Variants in COMMD10 observed in about 807,000 individuals in gnomAD.
COMMD10 encodes COMM domain containing 10, also known as COMM domain-containing protein 10.
A neutral mutation model predicts 28.9 loss-of-function variants in COMMD10; 33 were observed. The observed-to-expected ratio is 1.14, with a 90% CI of 0.87 to 1.53. The LOEUF is 1.53. COMMD10 is among the 40% of genes most tolerant of loss of function. COMMD10 has a pLI of 0.00. For synonymous variants in COMMD10, 110 were observed against 81.7 expected, an observed-to-expected ratio of 1.35 and a Z score of -1.87; for missense variants, 310 against 233.4, an observed-to-expected ratio of 1.33 and a Z score of -2.14.
intron 5 of COMMD10, among the ~76,000 whole-genome samples, chr5:116,210,914 C>G (rs935757223): frequency 1.3e-5 from 2 of 151,824 alleles, no homozygotes; most frequent in Admixed American, 1.3e-4. Context: ...ATTATTATTC[C>G]TCTAGAAAAG....
chr5:116,209,948 A>G (rs12332294), intron 5 of COMMD10, among the ~76,000 whole-genome samples: 4,312 of 152,266 alleles, frequency 0.028, 189 homozygotes, highest in African/African-American at 0.094. Flanking sequence ...TATTTGACCC[A>G]TAGTTCTGAA....
At chr5:116,251,472 G>C (rs1355771113) in intron 5 of COMMD10, among the ~76,000 whole-genome samples, 2 of 133,454 alleles carry the variant, frequency 1.5e-5, no homozygotes, top group African/African-American at 5.6e-5. Context: ...TCCCCAGAGT[G>C]TGATGTTCCC....
At chr5:116,119,332 T>A (rs1222137949) in intron 4 of COMMD10, among the ~76,000 whole-genome samples, 1 of 152,172 alleles carries the variant, frequency 6.6e-6, no homozygotes, top group Non-Finnish European at 1.5e-5. Context: ...AATAAGGCAT[T>A]TGCACTTCTT....
chr5:116,183,544 T>TA (rs1748043261), intron 5 of COMMD10, among the ~76,000 whole-genome samples: 1 of 152,096 alleles, frequency 6.6e-6, no homozygotes, highest in Non-Finnish European at 1.5e-5. Flanking sequence ...TTGAAATTAA[T>TA]AAAAATCTTC....
At chr5:116,168,331 A>G (rs946281442) in intron 5 of COMMD10, among the ~76,000 whole-genome samples, 2 of 152,206 alleles carry the variant, frequency 1.3e-5, no homozygotes, top group South Asian at 4.1e-4. Flanking sequence ...ACCCAGATTC[A>G]TAAAGCAAGT....
chr5:116,204,155 C>A (rs7704561), intron 5 of COMMD10, among the ~76,000 whole-genome samples: 48,383 of 151,638 alleles, frequency 0.32, 10,887 homozygotes, highest in African/African-American at 0.64. Context: ...GCCATTACAT[C>A]ATGGTAAAGG....
chr5:116,222,598 A>G (rs1348231888), intron 5 of COMMD10, among the ~76,000 whole-genome samples: 1 of 152,228 alleles, frequency 6.6e-6, no homozygotes, highest in Non-Finnish European at 1.5e-5. Flanking sequence ...ACAGAAAGAT[A>G]ATCTTACAAG....
chr5:116,261,327 T>C (rs1484346320), intron 5 of COMMD10, among the ~76,000 whole-genome samples: 1 of 151,684 alleles, frequency 6.6e-6, no homozygotes, highest in East Asian at 1.9e-4. Flanking sequence ...CGTTGCTATT[T>C]GCTTTTAAGG....
At chr5:116,198,948 T>A (rs1391527178) in intron 5 of COMMD10, among the ~76,000 whole-genome samples, 3 of 152,210 alleles carry the variant, frequency 2.0e-5, no homozygotes, top group Admixed American at 1.3e-4. Context: ...TGCACGTAAG[T>A]CTTCAACTCC....
intron 3 of COMMD10, among the ~76,000 whole-genome samples, chr5:116,091,661 T>C (rs755535335): frequency 1.8e-4 from 28 of 152,178 alleles, no homozygotes; most frequent in Non-Finnish European, 3.5e-4. Flanking sequence ...TTTGGATTTT[T>C]AAAAATCCTT....
rs561997090 is a variant in COMMD10, at chr5:116,232,405, ACAAG to A, written c.511-59107_511-59104del. On this transcript the variant is annotated intron_variant, in intron 5 of 6. Coordinates refer to ENST00000274458, the MANE Select transcript of COMMD10 (RefSeq NM_016144.4). ...AATCATGATTAAAATCGAAAGGTAA[ACAAG>A]CAAGATAGGATAAATTCAATCCATG... 2.5e-4 allele frequency among the ~76,000 whole-genome samples: 38 copies of A among 152,278 alleles called. No individual in the cohort carries two copies. The South Asian group carries it at 7.9e-3, about 32-fold the overall frequency.
At chr5:116,222,274 T>C (rs893104386) in intron 5 of COMMD10, among the ~76,000 whole-genome samples, 3 of 152,224 alleles carry the variant, frequency 2.0e-5, no homozygotes, top group African/African-American at 7.2e-5. Flanking sequence ...TGTATGGACC[T>C]TAACAAAACT....
chr5:116,203,974 G>C (rs911422836), intron 5 of COMMD10, among the ~76,000 whole-genome samples: 2 of 152,172 alleles, frequency 1.3e-5, no homozygotes, highest in African/African-American at 4.8e-5. Flanking sequence ...AGACCCATCA[G>C]TGTGCTGTAT....
intron 4 of COMMD10, among the ~76,000 whole-genome samples, chr5:116,103,890 A>G (rs1385211614): frequency 6.6e-6 from 1 of 152,168 alleles, no homozygotes; most frequent in African/African-American, 2.4e-5. Flanking sequence ...TCCCAGCACC[A>G]TTTATTACAT....
rs929462527 is a variant in COMMD10, at chr5:116,102,095, T to C, written c.399+9395T>C. Among the ~76,000 whole-genome samples, 20 of 152,192 alleles carry C rather than the reference T, an allele frequency of 1.3e-4. 2 individuals are homozygous for C. The highest frequency in any genetic ancestry group is 7.2e-4 in the Admixed American group (11 of 15,278). On this transcript the variant is annotated intron_variant, in intron 4 of 6. Coordinates refer to ENST00000274458, the MANE Select transcript of COMMD10 (RefSeq NM_016144.4). ...TCCATTTGTCTATTTTTATTTTTGT[T>C]TTCTGTCCTTTTAAGATCTTAGTCA...
At chr5:116,235,661 T>G (rs1161670378) in intron 5 of COMMD10, among the ~76,000 whole-genome samples, 1 of 152,202 alleles carries the variant, frequency 6.6e-6, no homozygotes, top group East Asian at 1.9e-4. Context: ...CTATAGAACC[T>G]TGAAGACATT....
At chr5:116,085,543 T>A (rs2112701933) in intron 1 of COMMD10, 1 of 163,148 alleles carries the variant, frequency 6.1e-6, no homozygotes, top group East Asian at 1.7e-4. Flanking sequence ...TTAATACCCC[T>A]TTTAAATCAG....
At chr5:116,138,123 TCTTATTTATTTCCATAAACAAAATTAATG>T (rs1231143662) in intron 5 of COMMD10, among the ~76,000 whole-genome samples, 35 of 151,984 alleles carry the variant, frequency 2.3e-4, no homozygotes. Context: ...AATAGAGTTC[TCTTATTTATTTCCATAAACAAAATTAATG>T]CTTATTAATC....
chr5:116,148,282 A>G (rs778230005), intron 5 of COMMD10, among the ~76,000 whole-genome samples: 3 of 151,824 alleles, frequency 2.0e-5, no homozygotes, highest in Non-Finnish European at 2.9e-5. Context: ...TTTTAAAACT[A>G]TATGTGTGTT....
Sources: allele counts gnomAD v4.1 joint callset (sites outside exome capture counted in the v4.1 genomes callset), GRCh38; gene constraint gnomAD v4.1.1; transcripts MANE v1.5; gene names NCBI Gene and HGNC (gene_info 2026-07-23, HGNC 2026-07-21).